The following TIPARP variants were observed in gnomAD, a reference collection of about 807,000 sequenced individuals.
TIPARP encodes protein mono-ADP-ribosyltransferase TIPARP.
In TIPARP, 12 loss-of-function variants were observed where a neutral mutation model predicts 56.5. That is an observed-to-expected ratio of 0.21 (90% CI 0.14 to 0.34). TIPARP has a LOEUF of 0.34. Among genes scored for constraint, TIPARP ranks in the 10% least tolerant of loss-of-function variants. The pLI, the probability that TIPARP is intolerant of heterozygous loss-of-function variation, is 1.00. For missense variants in TIPARP, 604 were observed against 781.6 expected (o/e 0.77, Z 2.71); for synonymous variants, 296 against 265.7 (o/e 1.11, Z -1.11).
intron 3 of TIPARP, among the ~76,000 whole-genome samples, chr3:156,695,403 G>A (rs1016649244): frequency 6.6e-6 from 1 of 151,652 alleles, no homozygotes; most frequent in East Asian, 1.9e-4. Context: ...ATTTTTTGTG[G>A]AGACAGGATC....
Position 156,694,199 on chromosome 3 carries a change from A to AT in TIPARP, c.1086+13dup. Reference sequence around the variant, plus strand: ...AGAGAGTATCCCGAGGTATTTACAGATTCTTTGTTGACAAGTACATTTTTC... The same window carrying AT: ...AGAGAGTATCCCGAGGTATTTACAGATTTCTTTGTTGACAAGTACATTTTTC... On this transcript the variant is annotated intron_variant, in intron 3 of 5. Transcript: ENST00000295924. 1 of 1,572,484 alleles carries AT rather than the reference A, an allele frequency of 6.4e-7. No homozygotes were observed. The highest frequency in any genetic ancestry group is 8.6e-7 in the Non-Finnish European group (1 of 1,164,772).
At chr3:156,697,422 C>CTTTTTT (rs60091681) in intron 4 of TIPARP, among the ~76,000 whole-genome samples, 1 of 140,304 alleles carries the variant, frequency 7.1e-6, no homozygotes, top group Non-Finnish European at 1.5e-5. Context: ...AATATGCCCT[C>CTTTTTT]TTTTTTTTTT....
chr3:156,686,854 A>G (rs2108490584), intron 2 of TIPARP, among the ~76,000 whole-genome samples: 1 of 152,236 alleles, frequency 6.6e-6, no homozygotes, highest in South Asian at 2.1e-4. Flanking sequence ...TACATATAGT[A>G]TTATATTTAT....
chr3:156,700,196 C>T (rs1161948386), intron 4 of TIPARP, among the ~76,000 whole-genome samples: 1 of 152,052 alleles, frequency 6.6e-6, no homozygotes, highest in Non-Finnish European at 1.5e-5. Context: ...TAACCTCGCA[C>T]TCCTGGGTTC....
intron 2 of TIPARP, among the ~76,000 whole-genome samples, chr3:156,679,134 A>G (rs539465015): frequency 6.6e-6 from 1 of 152,222 alleles, no homozygotes; most frequent in Non-Finnish European, 1.5e-5. Flanking sequence ...ATCTTTTATT[A>G]GTTTCCTTGG....
At chr3:156,702,444 A>G (rs1397197994) in intron 4 of TIPARP, among the ~76,000 whole-genome samples, 1 of 152,218 alleles carries the variant, frequency 6.6e-6, no homozygotes, top group East Asian at 1.9e-4. Flanking sequence ...ATGGTCAGCT[A>G]TGCTCTTTGG....
In TIPARP at chr3:156,705,648, T is replaced by A. The variant is rs1722961061; in HGVS notation, c.*517T>A. 6.5e-6 allele frequency: 1 copy of A among 152,848 alleles called. No individual in the cohort carries two copies. The allele number at this position is 152,848 out of a possible 1,614,324, so 9.5% of individuals were successfully genotyped here. A position where few individuals can be genotyped will look rare whatever the true frequency, so the allele number is the denominator to read the frequency against. ...ATTCTGGTGGGTAGAAAGAAATTTT[T>A]ATTTCTATCAGCAGTACTAAAATGT... is the stretch of plus-strand genomic sequence containing the variant. On this transcript the variant is annotated 3_prime_UTR_variant, in exon 6 of 6. Transcript: ENST00000295924.
Position 156,692,009 on chromosome 3 carries a change from C to A in TIPARP, c.918-2011C>A, listed in dbSNP as rs554257862. 8.5e-5 allele frequency among the ~76,000 whole-genome samples: 13 copies of A among 152,172 alleles called. No homozygotes were observed. The South Asian group carries it at 2.3e-3, about 27-fold the overall frequency. The stretch of plus-strand genomic sequence containing the variant: ...GTAATACAGGCTTAAACAGAAATTG[C>A]TAGAGTGATGTCCAGAATAAAATCT... On this transcript the variant is annotated intron_variant, in intron 2 of 5. Transcript: ENST00000295924.
At position 156,678,144 on chromosome 3, in the gene TIPARP, G is replaced by T; in HGVS notation, c.447G>T (p.Gly149=). The T allele has an allele frequency of 6.2e-7, 1 of 1,614,104 alleles. No homozygotes were observed. Among genetic ancestry groups the T allele is most frequent in the Non-Finnish European group, 8.5e-7 (1 of 1,180,038 alleles). ...DHSFPSETLS[G]TVADSTPAHF... ...GCTTTCCATCAGAAACCCTCAGTGG[G>T]ACGGTGGCAGATTCCACACCAGCTC... is the stretch of plus-strand genomic sequence containing the variant. The change falls in exon 2 of 6, where the codon GGG becomes GGT. Residue 149 remains glycine, a synonymous_variant. Coordinates refer to ENST00000295924, the MANE Select transcript of TIPARP (RefSeq NM_015508.5).
intron 4 of TIPARP, among the ~76,000 whole-genome samples, chr3:156,701,073 T>C (rs1722833441): frequency 6.6e-6 from 1 of 152,250 alleles, no homozygotes; most frequent in Non-Finnish European, 1.5e-5. Context: ...GATGTGTATA[T>C]GCATTTTTAT....
In TIPARP at chr3:156,677,963, T is replaced by G. The variant is rs1185862685; in HGVS notation, c.266T>G (p.Met89Arg). The G allele has an allele frequency of 6.2e-7, 1 of 1,614,108 alleles. No individual in the cohort carries two copies. The highest frequency in any genetic ancestry group is 8.5e-7 in the Non-Finnish European group (1 of 1,180,034). ...STDENSLHEP[M>R]MKKAMEINSS... The stretch of plus-strand genomic sequence containing the variant: ...GATGAGAACAGCTTACATGAACCTA[T>G]GATGAAGAAAGCCATGGAAATCAAT... Residue 89 changes from methionine (M) to arginine (R), a missense_variant, in exon 2 of 6, where the codon ATG becomes AGG. Physicochemically the swap from Met to Arg is moderately conservative, Grantham distance 91. This residue lies in a region of TIPARP where 261 missense variants were observed against 279.2 expected (regional missense o/e 0.93). Coordinates refer to ENST00000295924, the MANE Select transcript of TIPARP (RefSeq NM_015508.5).
At chr3:156,699,459 A>G (rs749561388) in intron 4 of TIPARP, among the ~76,000 whole-genome samples, 1 of 152,240 alleles carries the variant, frequency 6.6e-6, no homozygotes, top group Non-Finnish European at 1.5e-5. Flanking sequence ...TAAAATTACT[A>G]TGACTCACCA....
At chr3:156,690,359 C>T (rs1349833093) in intron 2 of TIPARP, among the ~76,000 whole-genome samples, 6 of 151,956 alleles carry the variant, frequency 3.9e-5, no homozygotes, top group Non-Finnish European at 7.4e-5. Context: ...GAAATATGTG[C>T]GGCATACTTT....
At chr3:156,702,019 CGGTGGTGGTGGTGGTGGTGGT>C (rs67188281) in intron 4 of TIPARP, among the ~76,000 whole-genome samples, 153 of 98,656 alleles carry the variant, frequency 1.6e-3, no homozygotes, top group African/African-American at 3.2e-3. Flanking sequence ...GATGATAATG[CGGTGGTGGTGGTGGTGGTGGT>C]GGTGGTGGTG....
At chr3:156,680,900 C>A (rs970860992) in intron 2 of TIPARP, among the ~76,000 whole-genome samples, 1 of 152,126 alleles carries the variant, frequency 6.6e-6, no homozygotes, top group Non-Finnish European at 1.5e-5. Context: ...TACCATTGCT[C>A]CTACTACATT....
rs1722951013 is a variant in TIPARP, at chr3:156,705,205, C to T, written c.*74C>T. The T allele has an allele frequency of 2.1e-5, 9 of 419,962 alleles. No individual in the cohort carries two copies. Among genetic ancestry groups the T allele is most frequent in the East Asian group, 5.9e-5 (1 of 16,932 alleles). The allele number at this position is 419,962 out of a possible 1,614,324, so 26.0% of individuals were successfully genotyped here. On this transcript the variant is annotated 3_prime_UTR_variant, in exon 6 of 6. Coordinates refer to ENST00000295924, the MANE Select transcript of TIPARP (RefSeq NM_015508.5). The stretch of plus-strand genomic sequence containing the variant: ...TGTAGCAGGTTTTGAATGGGTGGGA[C>T]TGGGTGGGGAACAGCATTGGACATT...
intron 2 of TIPARP, among the ~76,000 whole-genome samples, chr3:156,686,688 A>G (rs1004659417): frequency 1.3e-5 from 2 of 152,200 alleles, no homozygotes; most frequent in African/African-American, 2.4e-5. Context: ...ATCATTTGTA[A>G]TTTAAAAGTC....
chr3:156,690,153 C>G (rs1447163769), intron 2 of TIPARP, among the ~76,000 whole-genome samples: 2 of 152,118 alleles, frequency 1.3e-5, no homozygotes, highest in Non-Finnish European at 2.9e-5. Context: ...ACACTCTTTA[C>G]TGAGCTCCCA....
At position 156,705,895 on chromosome 3, in the gene TIPARP, A is replaced by G. The variant is rs576344199; in HGVS notation, c.*764A>G. 1 of 152,606 alleles carries G rather than the reference A, an allele frequency of 6.6e-6. No individual in the cohort carries two copies. The highest frequency in any genetic ancestry group is 2.4e-5 in the African/African-American group (1 of 41,434). 9.5% of individuals were successfully genotyped at this position (152,606 alleles called of 1,614,324 possible). On this transcript the variant is annotated 3_prime_UTR_variant, in exon 6 of 6. Coordinates refer to ENST00000295924, the MANE Select transcript of TIPARP (RefSeq NM_015508.5). ...GTCTCTTTCATTATCATCCATTCCA[A>G]TTTGAAGGAGTTGGGCAGCTAATTT...
Sources: allele counts gnomAD v4.1 joint callset (sites outside exome capture counted in the v4.1 genomes callset), GRCh38; gene constraint gnomAD v4.1.1; regional missense constraint gnomAD v4.1.1; transcripts MANE v1.5; gene names NCBI Gene and HGNC (gene_info 2026-07-23, HGNC 2026-07-21).